The following PAPPA2 variants were observed in gnomAD, a reference collection of about 807,000 sequenced individuals.
PAPPA2 encodes the protein pappalysin-2.
PAPPA2 carries 86 observed loss-of-function variants against 176.4 expected under a neutral mutation model. The observed-to-expected ratio is 0.49, with a 90% CI of 0.41 to 0.58. The LOEUF is 0.58. PAPPA2 is among the 20% of genes least tolerant of loss of function. PAPPA2 has a pLI of 0.00. For missense variants in PAPPA2, 2,073 were observed against 2,256.9 expected (o/e 0.92, Z 1.65); for synonymous variants, 809 against 852.2 (o/e 0.95, Z 0.88).
chr1:176,483,393 T>G (rs1339211700), intron 1 of PAPPA2, among the ~76,000 whole-genome samples: 2 of 148,856 alleles, frequency 1.3e-5, no homozygotes, highest in Non-Finnish European at 3.0e-5. Flanking sequence ...AAGCAGCTAC[T>G]ACTAGGGCCT....
chr1:176,474,459 G>A (rs1296084356), intron 1 of PAPPA2, among the ~76,000 whole-genome samples: 1 of 152,180 alleles, frequency 6.6e-6, no homozygotes, highest in Admixed American at 6.5e-5. Context: ...TGTAGGAAAT[G>A]AGCTGGATGT....
At chr1:176,644,252 T>A (rs1346731549) in intron 3 of PAPPA2, among the ~76,000 whole-genome samples, 2 of 151,702 alleles carry the variant, frequency 1.3e-5, no homozygotes, top group Non-Finnish European at 2.9e-5. Flanking sequence ...TGATAATAAG[T>A]GAGACTCAGG....
chr1:176,693,154 G>A (rs955798992), intron 6 of PAPPA2, among the ~76,000 whole-genome samples: 1 of 152,212 alleles, frequency 6.6e-6, no homozygotes, highest in Non-Finnish European at 1.5e-5. Flanking sequence ...TGTGACCTGT[G>A]CAGACTGACC....
At chr1:176,603,546 C>G (rs192166497) in intron 3 of PAPPA2, among the ~76,000 whole-genome samples, 69 of 152,310 alleles carry the variant, frequency 4.5e-4, no homozygotes, top group African/African-American at 1.6e-3. Flanking sequence ...CAAGGTTTCT[C>G]TCACTTCTTA....
chr1:176,687,294 A>G (rs1165213097), intron 4 of PAPPA2, among the ~76,000 whole-genome samples: 1 of 152,204 alleles, frequency 6.6e-6, no homozygotes, highest in Non-Finnish European at 1.5e-5. Context: ...CAAGAGTGTT[A>G]CACTGGAGAA....
At chr1:176,669,084 A>T (rs535022098) in intron 3 of PAPPA2, among the ~76,000 whole-genome samples, 94 of 152,296 alleles carry the variant, frequency 6.2e-4, no homozygotes, top group African/African-American at 2.2e-3. Flanking sequence ...TAACACACAG[A>T]TAGCCCAAGT....
At chr1:176,776,519 A>G (rs1345109344) in intron 17 of PAPPA2, among the ~76,000 whole-genome samples, 2 of 152,148 alleles carry the variant, frequency 1.3e-5, no homozygotes, top group East Asian at 1.9e-4. Flanking sequence ...CATTGTGACT[A>G]TTTATTGTTT....
At chr1:176,463,937 A>G (rs1273675280) in intron 1 of PAPPA2, among the ~76,000 whole-genome samples, 1 of 152,152 alleles carries the variant, frequency 6.6e-6, no homozygotes, top group Non-Finnish European at 1.5e-5. Flanking sequence ...GGAGAGTTCT[A>G]TTGCTAAGCT....
rs1235696899 is a variant in PAPPA2, at chr1:176,761,319, C to T, written c.4152-4347C>T. Among the ~76,000 whole-genome samples the T allele has an allele frequency of 2.6e-5, 4 of 152,184 alleles. No individual in the cohort carries two copies. In the South Asian group the frequency reaches 6.2e-4, roughly 24 times the overall value. On this transcript the variant is annotated intron_variant, in intron 14 of 22. Coordinates refer to ENST00000367662, the MANE Select transcript of PAPPA2 (RefSeq NM_020318.3). ...AAACTCAATCCTTTGGCTTAAAACA[C>T]TGACTCTTGTTAAAATGGAAATACC...
chr1:176,778,729 A>T (rs888391676), intron 17 of PAPPA2, among the ~76,000 whole-genome samples: 1 of 152,220 alleles, frequency 6.6e-6, no homozygotes, highest in African/African-American at 2.4e-5. Context: ...TCAAGGAAAG[A>T]ACACACATTA....
At chr1:176,513,541 C>T (rs1026366507) in intron 1 of PAPPA2, among the ~76,000 whole-genome samples, 55 of 152,210 alleles carry the variant, frequency 3.6e-4, no homozygotes, top group African/African-American at 1.2e-3. Flanking sequence ...AAGCACAGCA[C>T]GATATGAATA....
chr1:176,550,144 T>C (rs2102579555), intron 1 of PAPPA2, among the ~76,000 whole-genome samples: 1 of 152,338 alleles, frequency 6.6e-6, no homozygotes, highest in South Asian at 2.1e-4. Context: ...CATAATGCAT[T>C]TGAAATTGTT....
In PAPPA2 at chr1:176,699,279, G is replaced by C. The variant is rs1289597599; in HGVS notation, c.2926G>C (p.Glu976Gln). ...LTLWVTSFFM[E>Q]SSQVLFDTEI... ...CCTGTGGGTCACTTCCTTCTTCATGGAGTCCTCGCAGGTCCTCTTTGACAC... is the reference window on the plus strand; with the variant it reads ...CCTGTGGGTCACTTCCTTCTTCATGCAGTCCTCGCAGGTCCTCTTTGACAC... The change falls in exon 8 of 23, where the codon GAG (glutamate) becomes CAG (glutamine). Residue 976 changes from glutamate to glutamine, a missense_variant. By Grantham distance (29) the Glu-to-Gln change is conservative. Transcript: ENST00000367662. 3 of 1,614,026 alleles carry C rather than the reference G, an allele frequency of 1.9e-6. No homozygotes were observed. In the African/African-American group the frequency reaches 4.0e-5, roughly 22 times the overall value.
chr1:176,581,955 A>G (rs1258717475), intron 2 of PAPPA2, among the ~76,000 whole-genome samples: 11 of 110,478 alleles, frequency 1.0e-4, no homozygotes, highest in Non-Finnish European at 1.4e-4. Context: ...ACGGAGTCTC[A>G]CTCTGTTGCC....
At chr1:176,605,511 C>T (rs1654559284) in intron 3 of PAPPA2, among the ~76,000 whole-genome samples, 1 of 152,232 alleles carries the variant, frequency 6.6e-6, no homozygotes, top group African/African-American at 2.4e-5. Context: ...CTAGATTACT[C>T]ATAGTTTCTG....
chr1:176,565,948 C>G (rs1474409302), intron 2 of PAPPA2, among the ~76,000 whole-genome samples: 1 of 152,168 alleles, frequency 6.6e-6, no homozygotes, highest in African/African-American at 2.4e-5. Flanking sequence ...TGAACCTTCA[C>G]CTTTGGCCTG....
chr1:176,650,955 A>T (rs1364870158), intron 3 of PAPPA2, among the ~76,000 whole-genome samples: 1 of 151,744 alleles, frequency 6.6e-6, no homozygotes, highest in African/African-American at 2.4e-5. Flanking sequence ...GACACCTTAG[A>T]TCACAAGGAA....
intron 12 of PAPPA2, among the ~76,000 whole-genome samples, chr1:176,725,210 C>T (rs1364906916): frequency 6.6e-6 from 1 of 152,082 alleles, no homozygotes; most frequent in Non-Finnish European, 1.5e-5. Context: ...TCATATTATT[C>T]ATGTTTAAAG....
At chr1:176,720,906 T>C (rs1416572262) in intron 12 of PAPPA2, among the ~76,000 whole-genome samples, 1 of 152,186 alleles carries the variant, frequency 6.6e-6, no homozygotes, top group Non-Finnish European at 1.5e-5. Context: ...AGAGTTCTGA[T>C]GCCCAAGGGG....
Sources: gnomAD v4.1 joint callset for allele counts (sites outside exome capture counted in the v4.1 genomes callset) on GRCh38, gnomAD v4.1.1 for gene constraint, MANE v1.5 for transcripts, NCBI Gene and HGNC (gene_info 2026-07-23, HGNC 2026-07-21) for gene names.